The following PEX5 variants were observed in gnomAD, a reference collection of about 807,000 sequenced individuals.
PEX5 encodes peroxisomal biogenesis factor 5, also known as PTS1 receptor.
In PEX5, 52 loss-of-function variants were observed where a neutral mutation model predicts 82.9. The observed-to-expected ratio is 0.63, with a 90% CI of 0.50 to 0.79. The LOEUF (loss-of-function observed/expected upper bound fraction) is 0.79. PEX5 is among the 30% of genes least tolerant of loss of function. The pLI, the probability that PEX5 is intolerant of heterozygous loss-of-function variation, is 0.00. For synonymous variants in PEX5, 300 were observed against 318.8 expected, an observed-to-expected ratio of 0.94 and a Z score of 0.63; for missense variants, 719 against 815.2, an observed-to-expected ratio of 0.88 and a Z score of 1.44.
chr12:7,211,875 C>T (rs1404134129), downstream of PEX5, among the ~76,000 whole-genome samples: 1 of 151,706 alleles, frequency 6.6e-6, no homozygotes, highest in African/African-American at 2.4e-5. Context: ...GGTATTTATC[C>T]TGAGGAAAAA....
intron 5 of PEX5, among the ~76,000 whole-genome samples, chr12:7,195,372 A>C (rs906795908): frequency 6.6e-6 from 1 of 152,124 alleles, no homozygotes; most frequent in Non-Finnish European, 1.5e-5. Context: ...AATTTCTCAA[A>C]GATTGTGAAG....
At chr12:7,190,270 G>T in intron 1 of PEX5, 92 bp from the exon 2 acceptor site, 1 of 1,587,588 alleles carries the variant, frequency 6.3e-7, no homozygotes. Context: ...TGGGGCAGAC[G>T]CCTGTGTGCC....
intron 5 of PEX5, among the ~76,000 whole-genome samples, chr12:7,193,378 C>T (rs1235370218): frequency 1.3e-5 from 2 of 151,834 alleles, no homozygotes; most frequent in East Asian, 1.9e-4. Flanking sequence ...GGACTACAGG[C>T]GTGTGCCACC....
intron 1 of PEX5, chr12:7,190,007 C>T (rs990622485): frequency 6.6e-7 from 1 of 1,504,624 alleles, no homozygotes. Context: ...TTCCCACTGT[C>T]CCTTCTTCGG....
At chr12:7,206,560 T>A (rs1433967161) in intron 10 of PEX5, among the ~76,000 whole-genome samples, 1 of 133,292 alleles carries the variant, frequency 7.5e-6, no homozygotes, top group Non-Finnish European at 1.7e-5. Flanking sequence ...ATACTTTCTA[T>A]ACATTTATCT....
At chr12:7,195,953 A>G (rs898376531) in intron 5 of PEX5, among the ~76,000 whole-genome samples, 5 of 149,566 alleles carry the variant, frequency 3.3e-5, no homozygotes, top group Non-Finnish European at 7.4e-5. Context: ...TTAATTTTTG[A>G]GAGTCCTTGA....
At position 7,200,903 on chromosome 12, in the gene PEX5, T is replaced by TAGGGAG. The variant is rs370002553; in HGVS notation, c.552-825_552-820dup. On this transcript the variant is annotated intron_variant, in intron 6 of 15. Transcript: ENST00000675855. ...TGGAAAGAGAGGGGGAGAGAGACCG[T>TAGGGAG]AGGGAGAGGGAGAGGGAGAGGGAGA... 3.2e-3 allele frequency among the ~76,000 whole-genome samples: 481 copies of TAGGGAG among 151,394 alleles called. 2 individuals carry two copies. Among genetic ancestry groups the TAGGGAG allele is most frequent in the African/African-American group, 0.01 (428 of 41,074 alleles).
chr12:7,216,311 TTAAA>T (rs1455360297), downstream of PEX5, among the ~76,000 whole-genome samples: 1 of 152,174 alleles, frequency 6.6e-6, no homozygotes, highest in Non-Finnish European at 1.5e-5. Flanking sequence ...TTACCTACTC[TTAAA>T]TAATGACAAA....
intron 6 of PEX5, among the ~76,000 whole-genome samples, chr12:7,200,397 C>T (rs1275071723): frequency 6.6e-6 from 1 of 151,588 alleles, no homozygotes; most frequent in Non-Finnish European, 1.5e-5. Context: ...ACGCTCCTCA[C>T]TTTCCAGACT....
intron 11 of PEX5, 84 bp downstream of exon 11, chr12:7,207,886 G>T: frequency 6.4e-7 from 1 of 1,556,378 alleles, no homozygotes; most frequent in South Asian, 1.1e-5. Flanking sequence ...GTGCAGATGG[G>T]TTAGGGCCTG....
downstream of PEX5, among the ~76,000 whole-genome samples, chr12:7,211,879 G>GGAAAAATTTAAAAATA (rs1202687570): frequency 6.6e-6 from 1 of 151,750 alleles, no homozygotes; most frequent in African/African-American, 2.4e-5. Flanking sequence ...TTTATCCTGA[G>GGAAAAATTTAAAAATA]GAAAAATTTA....
At chr12:7,214,289 A>G (rs921590023), downstream of PEX5, among the ~76,000 whole-genome samples, 1 of 152,110 alleles carries the variant, frequency 6.6e-6, no homozygotes, top group Non-Finnish European at 1.5e-5. Flanking sequence ...TTGCGGCACT[A>G]TTCACAATAG....
At chr12:7,197,459 A>ATTATATATGTTATATATAATG (rs1565689185) in intron 5 of PEX5, among the ~76,000 whole-genome samples, 5 of 51,572 alleles carry the variant, frequency 9.7e-5, no homozygotes, top group Non-Finnish European at 3.1e-4. Context: ...ATATAATGTA[A>ATTATATATGTTATATATAATG]TAATTATATA....
Position 7,209,010 on chromosome 12 carries a change from T to C in PEX5, c.1400T>C (p.Leu467Pro). 1.2e-6 allele frequency: 2 copies of C among 1,614,088 alleles called. No individual in the cohort carries two copies. The highest frequency in any genetic ancestry group is 1.7e-6 in the Non-Finnish European group (2 of 1,179,940). Residue 467 changes from leucine (L) to proline (P), a missense_variant, in exon 14 of 16, where the codon CTG (leucine) becomes CCG (proline). Coordinates refer to ENST00000675855, the MANE Select transcript of PEX5 (RefSeq NM_001351132.2). ...TTTTTTTCCTTTTCATCCAGCTCCCTGTTTCTTGAAGTGAAAGAGCTCTTC... is the reference window on the plus strand; with the variant it reads ...TTTTTTTCCTTTTCATCCAGCTCCCCGTTTCTTGAAGTGAAAGAGCTCTTC... ...RILGSLLSDS[L>P]FLEVKELFLA...
intron 5 of PEX5, 86 bp downstream of exon 5, chr12:7,191,786 C>T (rs1941186936): frequency 9.0e-6 from 12 of 1,328,832 alleles, no homozygotes; most frequent in Middle Eastern, 1.8e-4. Flanking sequence ...AGTGTGATTA[C>T]GATTTTTCTG....
intron 2 of PEX5, 70 bp from the exon 3 acceptor site, chr12:7,190,818 C>T: frequency 7.0e-7 from 1 of 1,435,044 alleles, no homozygotes; most frequent in Non-Finnish European, 9.8e-7. Flanking sequence ...GGCTCAGATG[C>T]CTATGGGCTT....
At chr12:7,204,326 T>C (rs1458884636) in intron 10 of PEX5, among the ~76,000 whole-genome samples, 1 of 152,162 alleles carries the variant, frequency 6.6e-6, no homozygotes, top group Non-Finnish European at 1.5e-5. Context: ...GGGAAAGTAT[T>C]GTGGGGCTGG....
intron 5 of PEX5, 41 bp downstream of exon 5, chr12:7,191,741 G>T (rs779704055): frequency 6.3e-7 from 1 of 1,585,740 alleles, no homozygotes; most frequent in East Asian, 2.2e-5. Context: ...GCTTCTATGG[G>T]ACAGAATTCT....
At chr12:7,217,494 C>A (rs1446192732) in intron 17 of PEX5, among the ~76,000 whole-genome samples, 1 of 152,232 alleles carries the variant, frequency 6.6e-6, no homozygotes, top group Admixed American at 6.5e-5. Flanking sequence ...GGCCTCGTTA[C>A]AGCATGGTGG....
Sources: allele counts gnomAD v4.1 joint callset (sites outside exome capture counted in the v4.1 genomes callset), GRCh38; gene constraint gnomAD v4.1.1; transcripts MANE v1.5; gene names NCBI Gene and HGNC (gene_info 2026-07-23, HGNC 2026-07-21).